Variants in PSMA7 observed in about 807,000 individuals in gnomAD.
PSMA7 encodes proteasome 20S subunit alpha 7.
A neutral mutation model predicts 31.3 loss-of-function variants in PSMA7; 5 were observed. The observed-to-expected ratio is 0.16, with a 90% CI of 0.08 to 0.34. The LOEUF (loss-of-function observed/expected upper bound fraction) is 0.34. PSMA7 is among the 10% of genes least tolerant of loss of function. The pLI is 1.00. For synonymous variants in PSMA7, 155 were observed against 121.9 expected, an observed-to-expected ratio of 1.27 and a Z score of -1.79; for missense variants, 217 against 327.5, an observed-to-expected ratio of 0.66 and a Z score of 2.60.
At chr20:62,143,030 G>A (rs1422342500) in intron 1 of PSMA7, among the ~76,000 whole-genome samples, 178 bp downstream of exon 1, 1 of 149,794 alleles carries the variant, frequency 6.7e-6, no homozygotes, top group Non-Finnish European at 1.5e-5. Context: ...CGCCTCTGCA[G>A]GCACTCGTGG....
At chr20:62,137,073 C>A (rs2056898945) in intron 6 of PSMA7, 124 bp from the exon 7 acceptor site, 1 of 1,305,314 alleles carries the variant, frequency 7.7e-7, no homozygotes, top group African/African-American at 1.5e-5. Context: ...AGAGGAACCT[C>A]AAGAAAAACA....
chr20:62,139,396 C>A, intron 3 of PSMA7, 199 bp from the exon 4 acceptor site: 1 of 730,460 alleles, frequency 1.4e-6, no homozygotes, highest in Non-Finnish European at 2.2e-6. Flanking sequence ...TCACCTAGGA[C>A]CAGAATTGTG....
intron 6 of PSMA7, 57 bp downstream of exon 6, chr20:62,137,307 G>A: frequency 1.3e-6 from 2 of 1,549,890 alleles, no homozygotes; most frequent in Non-Finnish European, 1.8e-6. Flanking sequence ...GTACTGCTCA[G>A]CCCTGATCAT....
At chr20:62,140,042 G>A in intron 2 of PSMA7, 137 bp from the exon 3 acceptor site, 1 of 1,193,022 alleles carries the variant, frequency 8.4e-7, no homozygotes, top group Non-Finnish European at 1.1e-6. Flanking sequence ...ACTGGCAGCG[G>A]AACCTATCAG....
intron 1 of PSMA7, among the ~76,000 whole-genome samples, chr20:62,142,117 C>G (rs917076142): frequency 6.6e-6 from 1 of 152,248 alleles, no homozygotes; most frequent in African/African-American, 2.4e-5. Flanking sequence ...GGGCCCAAAA[C>G]CATCCCTGGC....
chr20:62,139,526 G>A, intron 3 of PSMA7: 1 of 721,344 alleles, frequency 1.4e-6, no homozygotes, highest in Non-Finnish European at 2.3e-6. Context: ...GGTCACTCAG[G>A]ATGGCAAGAC....
intron 1 of PSMA7, 130 bp downstream of exon 1, chr20:62,143,078 A>G (rs991594539): frequency 2.2e-5 from 8 of 366,658 alleles, no homozygotes; most frequent in Non-Finnish European, 2.7e-5. Context: ...TACAGCCCTG[A>G]CCGCCCGCGC....
Position 62,143,342 on chromosome 20 carries a change from T to A in PSMA7, c.-39A>T. The A allele has an allele frequency of 7.7e-7, 1 of 1,305,884 alleles. No individual in the cohort carries two copies. Among genetic ancestry groups the A allele is most frequent in the Non-Finnish European group, 1.0e-6 (1 of 997,200 alleles). The allele number at this position is 1,305,884 out of a possible 1,614,324, so 80.9% of individuals were successfully genotyped here. On this transcript the variant is annotated 5_prime_UTR_variant, in exon 1 of 7. Transcript: ENST00000370873. ...GGCCGGGCTCCTTCCGCCGCGACTCTCAAAAGCGCACACTCACGGCCCGCG... is the reference window on the plus strand; with the variant it reads ...GGCCGGGCTCCTTCCGCCGCGACTCACAAAAGCGCACACTCACGGCCCGCG...
chr20:62,142,823 C>G (rs1294609915), intron 1 of PSMA7, among the ~76,000 whole-genome samples: 2 of 151,922 alleles, frequency 1.3e-5, no homozygotes, highest in East Asian at 1.9e-4. Flanking sequence ...GGCCTACCCC[C>G]CGCGCTCCGC....
At chr20:62,142,300 C>G (rs2056935423) in intron 1 of PSMA7, among the ~76,000 whole-genome samples, 1 of 152,196 alleles carries the variant, frequency 6.6e-6, no homozygotes, top group South Asian at 2.1e-4. Context: ...CAGCCGACTC[C>G]TAGTCCTCTT....
intron 1 of PSMA7, 44 bp downstream of exon 1, chr20:62,143,164 C>A: frequency 7.7e-7 from 1 of 1,297,890 alleles, no homozygotes; most frequent in Non-Finnish European, 1.0e-6. Flanking sequence ...CCCAGCCCCA[C>A]TTCCGCCCGC....
chr20:62,140,990 T>C, intron 1 of PSMA7, 46 bp from the exon 2 acceptor site: 1 of 1,608,606 alleles, frequency 6.2e-7, no homozygotes, highest in Non-Finnish European at 8.5e-7. Flanking sequence ...ATATGAGTGC[T>C]GGGTGCAGTG....
In PSMA7 at chr20:62,138,374, C is replaced by T. The variant is rs1037479892; in HGVS notation, c.472-84G>A. The T allele has an allele frequency of 3.3e-6, 5 of 1,497,620 alleles. 1 individual carries two copies. The highest frequency in any genetic ancestry group is 2.7e-5 in the South Asian group (2 of 74,982). The allele number at this position is 1,497,620 out of a possible 1,614,324, so 92.8% of individuals were successfully genotyped here. ...TGGAACACAGCTGCCCTACATGGGCCGCCCAGCCAGTGGCAGTGGCAGGAG... is the reference window on the plus strand; with the variant it reads ...TGGAACACAGCTGCCCTACATGGGCTGCCCAGCCAGTGGCAGTGGCAGGAG... On this transcript the variant is annotated intron_variant, in intron 4 of 6. Transcript: ENST00000370873.
At chr20:62,140,762 C>T (rs2056922810) in intron 2 of PSMA7, 56 bp downstream of exon 2, 2 of 1,597,360 alleles carry the variant, frequency 1.3e-6, no homozygotes, top group Non-Finnish European at 1.7e-6. Flanking sequence ...ATCTCCAAAG[C>T]CCTATTCTTC....
At chr20:62,138,544 T>C (rs2056908538) in intron 4 of PSMA7, among the ~76,000 whole-genome samples, 1 of 144,734 alleles carries the variant, frequency 6.9e-6, no homozygotes, top group Admixed American at 6.9e-5. Context: ...CAAGAGGCAA[T>C]GGGAGATTTT....
chr20:62,140,262 T>C (rs140639972), intron 2 of PSMA7, among the ~76,000 whole-genome samples: 8 of 152,356 alleles, frequency 5.3e-5, no homozygotes, highest in Admixed American at 1.3e-4. Flanking sequence ...ATATGAAGAA[T>C]TGTGTACTTC....
Position 62,140,806 on chromosome 20 carries a change from A to G in PSMA7, c.223+12T>C, listed in dbSNP as rs1211616282. ...TCTAGAGAGTAAGACAGCGCTCCCCACCGACTCATACCTGCAAAGGCCATG... is the reference window on the plus strand; with the variant it reads ...TCTAGAGAGTAAGACAGCGCTCCCCGCCGACTCATACCTGCAAAGGCCATG... On this transcript the variant is annotated intron_variant, in intron 2 of 6. Transcript: ENST00000370873. 3 of 1,614,024 alleles carry G rather than the reference A, an allele frequency of 1.9e-6. No individual in the cohort carries two copies. The highest frequency in any genetic ancestry group is 2.5e-6 in the Non-Finnish European group (3 of 1,179,902).
Position 62,136,742 on chromosome 20 carries a change from CG to C in PSMA7, c.*114del. 8.0e-6 allele frequency: 11 copies of C among 1,380,762 alleles called. No homozygotes were observed. The highest frequency in any genetic ancestry group is 3.0e-5 in the South Asian group (2 of 67,404). 85.5% of individuals were successfully genotyped at this position (1,380,762 alleles called of 1,614,324 possible). On this transcript the variant is annotated 3_prime_UTR_variant, in exon 7 of 7. Coordinates refer to ENST00000370873, the MANE Select transcript of PSMA7 (RefSeq NM_002792.4). ...TAAAAAAAAAAACAGGTTAAAAATA[CG>C]GAAGTTTATTGTAGGACACTCAGTG...
At position 62,139,887 on chromosome 20, in the gene PSMA7, C is replaced by T. The variant is rs1365751353; in HGVS notation, c.242G>A (p.Arg81Lys). 3 of 1,613,722 alleles carry T rather than the reference C, an allele frequency of 1.9e-6. No individual in the cohort carries two copies. Among genetic ancestry groups the T allele is most frequent in the Non-Finnish European group, 2.5e-6 (3 of 1,180,012 alleles). The change falls in exon 3 of 7, where the codon AGG becomes AAG. Residue 81 changes from arginine to lysine, a missense_variant. Coordinates refer to ENST00000370873, the MANE Select transcript of PSMA7 (RefSeq NM_002792.4). ...MAFAGLTADA[R>K]IVINRARVEC... ...CACCCGGGCCCTGTTGATGACTATCCTTGCATCGGCGGTGAGGCCTGCAAG... is the reference window on the plus strand; with the variant it reads ...CACCCGGGCCCTGTTGATGACTATCTTTGCATCGGCGGTGAGGCCTGCAAG...
Sources: gnomAD v4.1 joint callset for allele counts (sites outside exome capture counted in the v4.1 genomes callset) on GRCh38, gnomAD v4.1.1 for gene constraint, MANE v1.5 for transcripts, NCBI Gene and HGNC (gene_info 2026-07-23, HGNC 2026-07-21) for gene names.